Variants in TSPAN5 observed in about 807,000 individuals in gnomAD.
TSPAN5 encodes the protein tetraspanin-5.
A neutral mutation model predicts 37.1 loss-of-function variants in TSPAN5; 10 were observed. The ratio of observed to expected loss-of-function variants is 0.27; its 90% CI spans 0.17 to 0.46. The LOEUF is 0.46. Ranked by LOEUF, TSPAN5 falls within the 20% of genes least tolerant of loss-of-function variation. The pLI is 1.00. For missense variants in TSPAN5, 195 were observed against 326.6 expected, an observed-to-expected ratio of 0.60 and a Z score of 3.11; for synonymous variants, 110 against 118.9, an observed-to-expected ratio of 0.93 and a Z score of 0.48.
At chr4:98,586,969 C>T (rs1184790633) in intron 1 of TSPAN5, among the ~76,000 whole-genome samples, 1 of 152,186 alleles carries the variant, frequency 6.6e-6, no homozygotes, top group Admixed American at 6.5e-5. Flanking sequence ...CCCTGTCCTG[C>T]CCCTTGGACA....
In TSPAN5 at chr4:98,658,405, A is replaced by G; in HGVS notation, c.-179T>C. The G allele has an allele frequency of 5.5e-6, 2 of 364,924 alleles. No homozygotes were observed. Among genetic ancestry groups the G allele is most frequent in the Middle Eastern group, 7.3e-4 (1 of 1,374 alleles). 22.6% of individuals were successfully genotyped at this position (364,924 alleles called of 1,614,324 possible). A position where few individuals can be genotyped will look rare whatever the true frequency, so the allele number is the denominator to read the frequency against. On this transcript the variant is annotated 5_prime_UTR_variant, in exon 1 of 8. Transcript: ENST00000305798. ...GGCGGAGAGCGGCTCCCGCACCTCC[A>G]GCCCCTCGCGCGCCGAGGCCGCCGG... is the stretch of plus-strand genomic sequence containing the variant.
At position 98,488,085 on chromosome 4, in the gene TSPAN5, G is replaced by A. The variant is rs1185921788; in HGVS notation, c.133-1201C>T. 3.3e-5 allele frequency among the ~76,000 whole-genome samples: 5 copies of A among 152,138 alleles called. No homozygotes were observed. The East Asian group carries it at 7.7e-4, about 23-fold the overall frequency. On this transcript the variant is annotated intron_variant, in intron 2 of 7. Coordinates refer to ENST00000305798, the MANE Select transcript of TSPAN5 (RefSeq NM_005723.4). ...TCAAAGCACTCCCAATAACCTGTAA[G>A]AACAGGAAGCAATCATCTGATTTTA... is the stretch of plus-strand genomic sequence containing the variant.
chr4:98,567,444 C>T (rs1223531452), intron 1 of TSPAN5, among the ~76,000 whole-genome samples: 1 of 152,222 alleles, frequency 6.6e-6, no homozygotes, highest in East Asian at 1.9e-4. Context: ...TCAAAAATAA[C>T]TGATTACTGA....
intron 1 of TSPAN5, among the ~76,000 whole-genome samples, chr4:98,643,373 T>C (rs1353191371): frequency 6.6e-6 from 1 of 152,172 alleles, no homozygotes; most frequent in Non-Finnish European, 1.5e-5. Context: ...ATGACTCATT[T>C]CTCAGAACAT....
intron 1 of TSPAN5, among the ~76,000 whole-genome samples, chr4:98,548,677 C>T (rs1754527137): frequency 1.3e-5 from 2 of 152,140 alleles, no homozygotes; most frequent in Admixed American, 1.3e-4. Context: ...TCCCTCCCAT[C>T]CTCCCACTAT....
intron 2 of TSPAN5, among the ~76,000 whole-genome samples, chr4:98,500,950 G>A (rs550871663): frequency 1.3e-5 from 2 of 152,218 alleles, no homozygotes; most frequent in South Asian, 4.2e-4. Context: ...TTCACACTAA[G>A]GACCAGGGAA....
At chr4:98,493,669 T>C (rs1177711740) in intron 2 of TSPAN5, among the ~76,000 whole-genome samples, 1 of 152,178 alleles carries the variant, frequency 6.6e-6, no homozygotes, top group Non-Finnish European at 1.5e-5. Flanking sequence ...TAGTAAGAAC[T>C]GATATAAATG....
intron 1 of TSPAN5, among the ~76,000 whole-genome samples, chr4:98,581,454 C>T (rs1055928030): frequency 6.6e-6 from 1 of 152,180 alleles, no homozygotes; most frequent in Non-Finnish European, 1.5e-5. Context: ...TGCCTCAGCA[C>T]TTTCTAAACG....
At chr4:98,508,171 G>C (rs913843718) in intron 1 of TSPAN5, among the ~76,000 whole-genome samples, 1 of 152,182 alleles carries the variant, frequency 6.6e-6, no homozygotes, top group Non-Finnish European at 1.5e-5. Flanking sequence ...CGAGGGGCAT[G>C]TAGAGCCTTG....
At chr4:98,640,329 T>C (rs1756937890) in intron 1 of TSPAN5, among the ~76,000 whole-genome samples, 1 of 152,218 alleles carries the variant, frequency 6.6e-6, no homozygotes, top group South Asian at 2.1e-4. Flanking sequence ...CTAACGTATT[T>C]CAATTAGTAA....
intron 2 of TSPAN5, among the ~76,000 whole-genome samples, chr4:98,489,920 T>C (rs1228107691): frequency 6.6e-6 from 1 of 152,096 alleles, no homozygotes; most frequent in Non-Finnish European, 1.5e-5. Flanking sequence ...CCGGTAACAA[T>C]ACCACCAAGT....
chr4:98,553,256 T>C (rs1252493712), intron 1 of TSPAN5, among the ~76,000 whole-genome samples: 1 of 152,194 alleles, frequency 6.6e-6, no homozygotes, highest in Non-Finnish European at 1.5e-5. Context: ...AAGATAGCAC[T>C]TTAGCATCAA....
At chr4:98,599,268 G>A (rs1001754828) in intron 1 of TSPAN5, among the ~76,000 whole-genome samples, 3 of 152,210 alleles carry the variant, frequency 2.0e-5, no homozygotes, top group Non-Finnish European at 2.9e-5. Context: ...AGCCTCCTGA[G>A]TAGGTAAGAC....
At chr4:98,598,361 G>A (rs112289002) in intron 1 of TSPAN5, among the ~76,000 whole-genome samples, 11,010 of 148,168 alleles carry the variant, frequency 0.074, 444 homozygotes, top group South Asian at 0.091. Flanking sequence ...AGATGAACCC[G>A]GTACCTCAGA....
chr4:98,577,226 T>A (rs540473662), intron 1 of TSPAN5, among the ~76,000 whole-genome samples: 2 of 152,338 alleles, frequency 1.3e-5, no homozygotes, highest in Admixed American at 6.5e-5. Flanking sequence ...CCAGAAGCAG[T>A]GCCATCCCTA....
At chr4:98,507,622 A>G in intron 2 of TSPAN5, 56 bp downstream of exon 2, 1 of 1,320,756 alleles carries the variant, frequency 7.6e-7, no homozygotes, top group South Asian at 1.3e-5. Flanking sequence ...AATACATAAT[A>G]TGATGTGCAG....
At chr4:98,591,046 C>A (rs941592662) in intron 1 of TSPAN5, among the ~76,000 whole-genome samples, 2 of 151,658 alleles carry the variant, frequency 1.3e-5, no homozygotes, top group African/African-American at 4.8e-5. Context: ...CAACTTTGCC[C>A]TGCCATGCTT....
chr4:98,559,179 A>G lies in TSPAN5; in HGVS notation c.82-51451T>C, dbSNP rs75530634. The stretch of plus-strand genomic sequence containing the variant: ...ACGACACTAAGACAATTTCCCTCCC[A>G]TGTTTTCTACAGCAAAAAGGAATCA... On this transcript the variant is annotated intron_variant, in intron 1 of 7. Transcript: ENST00000305798. Among the ~76,000 whole-genome samples the G allele has an allele frequency of 4.9e-3, 753 of 152,264 alleles. 7 individuals carry two copies. Among genetic ancestry groups the G allele is most frequent in the African/African-American group, 0.017 (698 of 41,550 alleles).
intron 2 of TSPAN5, among the ~76,000 whole-genome samples, chr4:98,498,759 A>G (rs777942678): frequency 6.6e-6 from 1 of 152,132 alleles, no homozygotes; most frequent in Non-Finnish European, 1.5e-5. Context: ...TGACCCGCAC[A>G]GCCATTAGGG....
Sources: gnomAD v4.1 joint callset for allele counts (sites outside exome capture counted in the v4.1 genomes callset) on GRCh38, gnomAD v4.1.1 for gene constraint, MANE v1.5 for transcripts, NCBI Gene and HGNC (gene_info 2026-07-23, HGNC 2026-07-21) for gene names.